The following PGR variants were observed in gnomAD, a reference collection of about 807,000 sequenced individuals.
The protein encoded by PGR is progesterone receptor.
PGR carries 25 observed loss-of-function variants against 76.1 expected under a neutral mutation model. That is an observed-to-expected ratio of 0.33 (90% CI 0.24 to 0.46). The LOEUF (loss-of-function observed/expected upper bound fraction) is 0.46. Ranked by LOEUF, PGR falls within the 20% of genes least tolerant of loss-of-function variation. PGR has a pLI of 1.00. For synonymous variants in PGR, 579 were observed against 535.0 expected (o/e 1.08, Z -1.14); for missense variants, 1,172 against 1,225.3 (o/e 0.96, Z 0.65).
Position 101,128,276 on chromosome 11 carries a change from G to T in PGR, c.795C>A (p.Val265=), listed in dbSNP as rs1207655613. Reference sequence around the variant, plus strand: ...GGGAATCTTCCTTGGGGACCAGGGCGACGCCTCCTGCTGCCGCCCCCGGCG... The same window carrying T: ...GGGAATCTTCCTTGGGGACCAGGGCTACGCCTCCTGCTGCCGCCCCCGGCG... ...AVPPGAAAGG[V]ALVPKEDSRF... The change falls in exon 1 of 8, where the codon GTC becomes GTA. Residue 265 remains valine (V), a synonymous_variant. Transcript: ENST00000325455. 6 of 1,591,246 alleles carry T rather than the reference G, an allele frequency of 3.8e-6. No homozygotes were observed. The highest frequency in any genetic ancestry group is 5.1e-6 in the Non-Finnish European group (6 of 1,175,152).
chr11:101,098,039 G>A (rs1336561045), intron 2 of PGR, among the ~76,000 whole-genome samples: 1 of 152,064 alleles, frequency 6.6e-6, no homozygotes, highest in Non-Finnish European at 1.5e-5. Context: ...GCCTCCTGAA[G>A]TGCTGAGATT....
At chr11:101,101,015 G>A (rs1861981030) in intron 2 of PGR, among the ~76,000 whole-genome samples, 1 of 152,178 alleles carries the variant, frequency 6.6e-6, no homozygotes, top group Non-Finnish European at 1.5e-5. Flanking sequence ...ATTTTCACAT[G>A]TAATATAATT....
intron 2 of PGR, among the ~76,000 whole-genome samples, chr11:101,094,692 A>G (rs1291522051): frequency 6.6e-6 from 1 of 152,256 alleles, no homozygotes; most frequent in Non-Finnish European, 1.5e-5. Context: ...GAGAAATTAT[A>G]TAAGAACGTA....
chr11:101,122,949 T>C (rs1862725149), intron 2 of PGR, among the ~76,000 whole-genome samples: 1 of 152,202 alleles, frequency 6.6e-6, no homozygotes, highest in African/African-American at 2.4e-5. Context: ...GATTCACTTT[T>C]ACCTTCCTAG....
chr11:101,051,177 A>C (rs1287025945), intron 5 of PGR, among the ~76,000 whole-genome samples: 1 of 152,118 alleles, frequency 6.6e-6, no homozygotes, highest in Non-Finnish European at 1.5e-5. Context: ...TAAATTGATT[A>C]ATGAAACATT....
chr11:101,038,961 T>A lies in PGR; in HGVS notation c.*155A>T. The A allele has an allele frequency of 1.7e-6, 1 of 574,134 alleles. No individual in the cohort carries two copies. Among genetic ancestry groups the A allele is most frequent in the Non-Finnish European group, 3.1e-6 (1 of 326,512 alleles). 35.6% of individuals were successfully genotyped at this position (574,134 alleles called of 1,614,324 possible). On this transcript the variant is annotated 3_prime_UTR_variant, in exon 8 of 8. Coordinates refer to ENST00000325455, the MANE Select transcript of PGR (RefSeq NM_000926.4). ...ATTATACTTTATAAAAGAAAATAAT[T>A]AGAACCTCACAATTTTTCTTTTAAA... is the stretch of plus-strand genomic sequence containing the variant.
chr11:101,046,121 A>G (rs1859869682), intron 6 of PGR, among the ~76,000 whole-genome samples: 1 of 149,190 alleles, frequency 6.7e-6, no homozygotes, highest in South Asian at 2.1e-4. Context: ...ATTTTTATTT[A>G]TTTATTTATT....
intron 2 of PGR, among the ~76,000 whole-genome samples, chr11:101,112,060 C>G (rs1217074306): frequency 6.6e-6 from 1 of 152,074 alleles, no homozygotes; most frequent in Non-Finnish European, 1.5e-5. Flanking sequence ...TCAAATGCTA[C>G]CAATGAGTCA....
chr11:101,047,675 G>A (rs565136861), intron 6 of PGR, among the ~76,000 whole-genome samples: 2 of 152,012 alleles, frequency 1.3e-5, no homozygotes, highest in Non-Finnish European at 2.9e-5. Context: ...GCTCACCCTC[G>A]GCCTGAGGTC....
intron 6 of PGR, among the ~76,000 whole-genome samples, chr11:101,046,679 T>C (rs920448661): frequency 1.2e-4 from 19 of 152,202 alleles, no homozygotes; most frequent in Middle Eastern, 3.4e-3. Flanking sequence ...TATTTGAGTG[T>C]TTACATTTAA....
intron 3 of PGR, among the ~76,000 whole-genome samples, chr11:101,068,827 G>A (rs970740479): frequency 4.6e-5 from 7 of 151,928 alleles, no homozygotes; most frequent in Non-Finnish European, 1.0e-4. Context: ...GCAGAAAACT[G>A]AAAGTGGACC....
At position 101,105,857 on chromosome 11, in the gene PGR, A is replaced by G. The variant is rs1018004247; in HGVS notation, c.1790-13981T>C. On this transcript the variant is annotated intron_variant, in intron 2 of 7. Transcript: ENST00000325455. The stretch of plus-strand genomic sequence containing the variant: ...ACAAGGCTGCAGTAACCAAAACAGC[A>G]TGGCACTGGTACCAAAACGGATATA... 4.0e-4 allele frequency among the ~76,000 whole-genome samples: 61 copies of G among 152,202 alleles called. 1 individual carries two copies. Among genetic ancestry groups the G allele is most frequent in the Admixed American group, 2.9e-3 (45 of 15,282 alleles).
intron 3 of PGR, among the ~76,000 whole-genome samples, chr11:101,089,246 G>A (rs1193926066): frequency 6.6e-6 from 1 of 152,168 alleles, no homozygotes; most frequent in Admixed American, 6.5e-5. Context: ...CTTTCCCAGA[G>A]TTTAACACAT....
intron 2 of PGR, among the ~76,000 whole-genome samples, chr11:101,092,218 G>A (rs1424908026): frequency 6.6e-6 from 1 of 152,152 alleles, no homozygotes; most frequent in Non-Finnish European, 1.5e-5. Context: ...ATAAGCATTA[G>A]TTGTACCAGG....
intron 2 of PGR, among the ~76,000 whole-genome samples, chr11:101,111,384 G>A (rs1217075689): frequency 1.3e-5 from 2 of 152,062 alleles, no homozygotes. Flanking sequence ...CCCAGATCTC[G>A]ATCAAAGAGT....
chr11:101,125,592 T>C (rs1018438978), intron 2 of PGR, among the ~76,000 whole-genome samples: 8 of 152,228 alleles, frequency 5.3e-5, no homozygotes, highest in African/African-American at 1.9e-4. Flanking sequence ...TACAAATATG[T>C]ATACGCATAC....
chr11:101,107,608 A>G (rs1308687311), intron 2 of PGR, among the ~76,000 whole-genome samples: 5 of 152,170 alleles, frequency 3.3e-5, no homozygotes, highest in Non-Finnish European at 7.3e-5. Flanking sequence ...AAAAATTACA[A>G]AACTATTTGT....
intron 2 of PGR, among the ~76,000 whole-genome samples, chr11:101,123,115 C>T (rs529359): frequency 0.57 from 87,183 of 151,960 alleles, 25,760 homozygotes; most frequent in Non-Finnish European, 0.64. Context: ...ATTTCCTAAG[C>T]GTATTAAGAC....
At chr11:101,085,241 G>A (rs1861452283) in intron 3 of PGR, among the ~76,000 whole-genome samples, 2 of 152,080 alleles carry the variant, frequency 1.3e-5, no homozygotes, top group South Asian at 4.1e-4. Flanking sequence ...CAGTCATACT[G>A]TCAGGTCACA....
Sources: gnomAD v4.1 joint callset for allele counts (sites outside exome capture counted in the v4.1 genomes callset) on GRCh38, gnomAD v4.1.1 for gene constraint, MANE v1.5 for transcripts, NCBI Gene and HGNC (gene_info 2026-07-23, HGNC 2026-07-21) for gene names.